OPA1: variants seen among roughly 807,000 people sequenced by gnomAD.
OPA1 encodes the protein dynamin-like GTPase OPA1, mitochondrial.
In OPA1, 59 loss-of-function variants were observed where a neutral mutation model predicts 152.9. The ratio of observed to expected loss-of-function variants is 0.39; its 90% CI spans 0.31 to 0.48. The LOEUF (loss-of-function observed/expected upper bound fraction) is 0.48. Ranked by LOEUF, OPA1 falls within the 20% of genes least tolerant of loss-of-function variation. OPA1 has a pLI of 0.96. For missense variants in OPA1, 1,008 were observed against 1,216.8 expected, an observed-to-expected ratio of 0.83 and a Z score of 2.55; for synonymous variants, 400 against 389.9, an observed-to-expected ratio of 1.03 and a Z score of -0.31.
At chr3:193,663,018 G>C in intron 26 of OPA1, 56 bp downstream of exon 26, 1 of 1,570,240 alleles carries the variant, frequency 6.4e-7, no homozygotes, top group African/African-American at 1.3e-5. Context: ...GTTTCTTGCA[G>C]TAAATGTTAC....
In OPA1 at chr3:193,696,810, G is replaced by A. The variant is rs901940469; in HGVS notation, c.*2210G>A. 6.6e-6 allele frequency: 1 copy of A among 152,192 alleles called. No homozygotes were observed. Among genetic ancestry groups the A allele is most frequent in the Non-Finnish European group, 1.5e-5 (1 of 68,036 alleles). The allele number at this position is 152,192 out of a possible 1,614,324, so 9.4% of individuals were successfully genotyped here. A position where few individuals can be genotyped will look rare whatever the true frequency, so the allele number is the denominator to read the frequency against. ...GAAGACTGAACAACTGTAAATAGAT[G>A]ATATCCAAACTTAATTTGGCTAGGA... On this transcript the variant is annotated 3_prime_UTR_variant, in exon 31 of 31. Transcript: ENST00000361510.
intron 1 of OPA1, among the ~76,000 whole-genome samples, chr3:193,597,355 C>A (rs932007495): frequency 6.6e-6 from 1 of 152,088 alleles, no homozygotes; most frequent in Non-Finnish European, 1.5e-5. Context: ...CCATTGGAAG[C>A]CTATGGTGCC....
intron 15 of OPA1, 111 bp from the exon 16 acceptor site, chr3:193,643,864 A>G (rs769259798): frequency 3.1e-5 from 37 of 1,184,874 alleles, no homozygotes; most frequent in Middle Eastern, 2.4e-4. Context: ...ACGTAAATGT[A>G]TTAAAATCTT....
At chr3:193,673,369 A>G (rs928281575) in intron 29 of OPA1, among the ~76,000 whole-genome samples, 10 of 152,238 alleles carry the variant, frequency 6.6e-5, no homozygotes, top group Non-Finnish European at 1.3e-4. Context: ...CATCTTTCAA[A>G]TTGTATGAGA....
At chr3:193,655,865 A>G (rs1327127109) in intron 22 of OPA1, among the ~76,000 whole-genome samples, 2 of 152,182 alleles carry the variant, frequency 1.3e-5, no homozygotes, top group Non-Finnish European at 2.9e-5. Flanking sequence ...ATTGAAGTCA[A>G]TGTTAAAAGT....
intron 1 of OPA1, among the ~76,000 whole-genome samples, chr3:193,607,585 C>T (rs1361008931): frequency 8.6e-5 from 13 of 152,042 alleles, no homozygotes; most frequent in Non-Finnish European, 1.8e-4. Flanking sequence ...AGATATGCGG[C>T]GTTATTTCTG....
In OPA1 at chr3:193,618,129, T is replaced by C. The variant is rs1729357475; in HGVS notation, c.610+292T>C. Among the ~76,000 whole-genome samples, 4 of 152,308 alleles carry C rather than the reference T, an allele frequency of 2.6e-5. No individual in the cohort carries two copies. The South Asian group carries it at 8.3e-4, about 32-fold the overall frequency. ...AAATAGATCTAATTGTTTTTGATAA[T>C]TGAAATGAAAAGTAATTTTAGTTTG... On this transcript the variant is annotated intron_variant, in intron 5 of 30. Coordinates refer to ENST00000361510, the MANE Select transcript of OPA1 (RefSeq NM_130837.3).
Position 193,644,004 on chromosome 3 carries a change from G to C in OPA1, c.1507G>C (p.Val503Leu). The part of the protein sequence containing the change: ...DGSVDAERSI[V>L]TDLVSQMDPH... ...ATCTGTGGATGCTGAACGCAGTATT[G>C]TTACAGACTTGGTCAGTCAAATGGA... The change falls in exon 16 of 31, where the codon GTT (valine) becomes CTT (leucine). Residue 503 changes from valine to leucine, a missense_variant. Val to Leu is a conservative substitution (Grantham distance 32). Coordinates refer to ENST00000361510, the MANE Select transcript of OPA1 (RefSeq NM_130837.3). 1 of 1,613,668 alleles carries C rather than the reference G, an allele frequency of 6.2e-7. No individual in the cohort carries two copies. Among genetic ancestry groups the C allele is most frequent in the Non-Finnish European group, 8.5e-7 (1 of 1,179,764 alleles).
intron 28 of OPA1, 35 bp from the exon 29 acceptor site, chr3:193,667,135 G>A (rs182060760): frequency 2.7e-5 from 26 of 963,556 alleles, no homozygotes; most frequent in African/African-American, 1.6e-4. Context: ...TTATAAAAAC[G>A]ATGCTCCTCA....
At position 193,601,040 on chromosome 3, in the gene OPA1, A is replaced by G. The variant is rs1301595183; in HGVS notation, c.32+7631A>G. On this transcript the variant is annotated intron_variant, in intron 1 of 30. Coordinates refer to ENST00000361510, the MANE Select transcript of OPA1 (RefSeq NM_130837.3). ...GAGCAAAAAGAAGATCTAAGACTGC[A>G]TGATCTTCCATTAAGTGTTTTCGTT... Among the ~76,000 whole-genome samples the G allele has an allele frequency of 3.3e-5, 5 of 152,184 alleles. No individual in the cohort carries two copies. The East Asian group carries it at 7.7e-4, about 23-fold the overall frequency.
chr3:193,693,910 A>G (rs1192305202), intron 30 of OPA1, among the ~76,000 whole-genome samples: 1 of 152,192 alleles, frequency 6.6e-6, no homozygotes, highest in Non-Finnish European at 1.5e-5. Flanking sequence ...TCATAGTTCT[A>G]TTTACTGACC....
intron 7 of OPA1, among the ~76,000 whole-genome samples, chr3:193,628,810 T>C (rs1287576037): frequency 3.9e-5 from 6 of 152,202 alleles, no homozygotes; most frequent in Non-Finnish European, 7.3e-5. Context: ...ATAAAAATTA[T>C]CATCTCATCA....
rs566594994 is a variant in OPA1, at chr3:193,682,178, T to C, written c.2984-9885T>C. Among the ~76,000 whole-genome samples the C allele has an allele frequency of 5.3e-5, 8 of 152,336 alleles. No homozygotes were observed. The South Asian group carries it at 8.3e-4, about 16-fold the overall frequency. ...ACGCAGGAAGTTTCACTGGTCTGGA[T>C]AGAAGATCAAACCAGCCATAACATT... On this transcript the variant is annotated intron_variant, in intron 29 of 30. Coordinates refer to ENST00000361510, the MANE Select transcript of OPA1 (RefSeq NM_130837.3).
chr3:193,613,580 T>C (rs1338078968), intron 1 of OPA1, among the ~76,000 whole-genome samples: 1 of 151,952 alleles, frequency 6.6e-6, no homozygotes. Flanking sequence ...TTTGTTTGTT[T>C]GTTTGTTTTT....
Position 193,643,464 on chromosome 3 carries a change from G to A in OPA1, c.1377+20G>A. On this transcript the variant is annotated intron_variant, in intron 14 of 30. Transcript: ENST00000361510. ...ATTAATGTAAGTATATACAAAACAT[G>A]TATTTTATTTTATTCTTATTGTGTG... 6.2e-7 allele frequency: 1 copy of A among 1,606,340 alleles called. No homozygotes were observed. The highest frequency in any genetic ancestry group is 8.5e-7 in the Non-Finnish European group (1 of 1,173,068).
At chr3:193,680,719 G>A (rs919057089) in intron 29 of OPA1, among the ~76,000 whole-genome samples, 2 of 152,150 alleles carry the variant, frequency 1.3e-5, no homozygotes, top group African/African-American at 4.8e-5. Flanking sequence ...GCATTTAATT[G>A]ACTAAGAATA....
intron 8 of OPA1, among the ~76,000 whole-genome samples, chr3:193,632,540 G>A (rs1732252037): frequency 6.6e-6 from 1 of 152,030 alleles, no homozygotes; most frequent in South Asian, 2.1e-4. Context: ...AGGTGACACT[G>A]ACATGCATTA....
intron 29 of OPA1, among the ~76,000 whole-genome samples, chr3:193,668,112 A>C (rs1220553386): frequency 6.6e-6 from 1 of 152,220 alleles, no homozygotes; most frequent in Non-Finnish European, 1.5e-5. Flanking sequence ...ATATTTATTT[A>C]TTAAAAACTG....
At position 193,635,328 on chromosome 3, in the gene OPA1, T is replaced by C. The variant is rs532534836; in HGVS notation, c.844-90T>C. On this transcript the variant is annotated intron_variant, in intron 8 of 30. Transcript: ENST00000361510. ...ATACATTTTAAATAGGAGATATGAC[T>C]TCAAGATTTTGGAAGATTTTAATTT... The C allele has an allele frequency of 6.4e-4, 498 of 780,630 alleles. 1 individual carries two copies. Among genetic ancestry groups the C allele is most frequent in the Non-Finnish European group, 7.7e-4 (346 of 450,276 alleles). The allele number at this position is 780,630 out of a possible 1,614,324, so 48.4% of individuals were successfully genotyped here. A position where few individuals can be genotyped will look rare whatever the true frequency, so the allele number is the denominator to read the frequency against.
Sources: allele counts gnomAD v4.1 joint callset (sites outside exome capture counted in the v4.1 genomes callset), GRCh38; gene constraint gnomAD v4.1.1; transcripts MANE v1.5; gene names NCBI Gene and HGNC (gene_info 2026-07-23, HGNC 2026-07-21).